TTC29: variants seen among roughly 807,000 people sequenced by gnomAD.
TTC29 encodes the protein tetratricopeptide repeat domain 29, also known as tetratricopeptide repeat protein 29.
TTC29 carries 49 observed loss-of-function variants against 58.1 expected under a neutral mutation model. That is an observed-to-expected ratio of 0.84 (90% CI 0.67 to 1.07). The LOEUF is 1.07. Ranked by LOEUF, TTC29 falls within the 50% of genes least tolerant of loss-of-function variation. The pLI is 0.00. For synonymous variants in TTC29, 209 were observed against 196.8 expected, an observed-to-expected ratio of 1.06 and a Z score of -0.52; for missense variants, 582 against 555.6, an observed-to-expected ratio of 1.05 and a Z score of -0.48.
At chr4:146,876,932 C>T (rs551766580) in intron 6 of TTC29, among the ~76,000 whole-genome samples, 6 of 110,118 alleles carry the variant, frequency 5.4e-5, no homozygotes, top group African/African-American at 1.9e-4. Context: ...AAGACTCCAT[C>T]TCAAAAAAAA....
At chr4:146,875,085 G>A (rs1731172709) in intron 6 of TTC29, among the ~76,000 whole-genome samples, 157 bp from the exon 7 acceptor site, 1 of 152,140 alleles carries the variant, frequency 6.6e-6, no homozygotes, top group Non-Finnish European at 1.5e-5. Context: ...GGAAAGGAGT[G>A]ATCTCTAATT....
intron 10 of TTC29, among the ~76,000 whole-genome samples, chr4:146,810,752 A>G (rs4835342): frequency 0.062 from 9,370 of 151,878 alleles, 389 homozygotes; most frequent in Admixed American, 0.13. Context: ...CACCACGCTC[A>G]GTTAATTTTT....
At chr4:146,856,491 G>T in intron 8 of TTC29, among the ~76,000 whole-genome samples, 1 of 151,686 alleles carries the variant, frequency 6.6e-6, no homozygotes. Flanking sequence ...TTATTTGTAG[G>T]AAAGTTTGTA....
At chr4:146,794,654 A>G (rs1431473864) in intron 11 of TTC29, among the ~76,000 whole-genome samples, 1 of 152,108 alleles carries the variant, frequency 6.6e-6, no homozygotes, top group African/African-American at 2.4e-5. Context: ...GGAAACTGGA[A>G]AACTGTTTCC....
intron 10 of TTC29, among the ~76,000 whole-genome samples, chr4:146,806,639 GA>G (rs1750638547): frequency 6.6e-6 from 1 of 150,884 alleles, no homozygotes; most frequent in Non-Finnish European, 1.5e-5. Context: ...AAAAGACAAA[GA>G]AGGGCACTAC....
chr4:146,834,137 A>G (rs576556069), intron 8 of TTC29, among the ~76,000 whole-genome samples: 31 of 152,326 alleles, frequency 2.0e-4, no homozygotes, highest in Non-Finnish European at 4.3e-4. Flanking sequence ...CTTTTCTTGC[A>G]TAATTGCCCA....
chr4:146,825,130 T>C (rs1727692932), intron 9 of TTC29, among the ~76,000 whole-genome samples: 1 of 152,224 alleles, frequency 6.6e-6, no homozygotes, highest in South Asian at 2.1e-4. Context: ...TAGTTATTTC[T>C]TGTCTTCTGC....
chr4:146,803,181 T>C (rs1045210646), intron 11 of TTC29, among the ~76,000 whole-genome samples: 6 of 152,124 alleles, frequency 3.9e-5, no homozygotes, highest in Non-Finnish European at 7.4e-5. Flanking sequence ...TCAGTACCTA[T>C]TGTTGACTAA....
At chr4:146,809,807 C>T (rs1454618823) in intron 10 of TTC29, among the ~76,000 whole-genome samples, 3 of 149,792 alleles carry the variant, frequency 2.0e-5, no homozygotes, top group African/African-American at 4.9e-5. Flanking sequence ...CGTTTTTATC[C>T]GTTGGTGGGC....
At chr4:146,866,341 A>C (rs1056669529) in intron 8 of TTC29, among the ~76,000 whole-genome samples, 1 of 152,124 alleles carries the variant, frequency 6.6e-6, no homozygotes, top group Admixed American at 6.6e-5. Flanking sequence ...GTGTGTACGC[A>C]TGTGTGCACA....
chr4:146,892,419 C>T (rs1274372000), intron 6 of TTC29, among the ~76,000 whole-genome samples: 4 of 152,136 alleles, frequency 2.6e-5, no homozygotes. Flanking sequence ...ATAAACAGAA[C>T]CAACGACAAA....
At position 146,890,406 on chromosome 4, in the gene TTC29, A is replaced by T. The variant is rs370239918; in HGVS notation, c.586+13138T>A. The stretch of plus-strand genomic sequence containing the variant: ...AGCTTCCAGCCCTCACATGAGAAGC[A>T]GGGCGAGGCATGGGGAGCATGTGGG... On this transcript the variant is annotated intron_variant, in intron 6 of 12. Coordinates refer to ENST00000325106, the MANE Select transcript of TTC29 (RefSeq NM_031956.4). Among the ~76,000 whole-genome samples, 9 of 152,312 alleles carry T rather than the reference A, an allele frequency of 5.9e-5. No individual in the cohort carries two copies. In the East Asian group the frequency reaches 1.2e-3, roughly 20 times the overall value.
At chr4:146,709,610 G>A (rs1742335970) in intron 11 of TTC29, among the ~76,000 whole-genome samples, 1 of 152,040 alleles carries the variant, frequency 6.6e-6, no homozygotes, top group Non-Finnish European at 1.5e-5. Flanking sequence ...ACTGGCCTGA[G>A]ATGCCTCGTC....
intron 11 of TTC29, among the ~76,000 whole-genome samples, chr4:146,724,521 C>T (rs1385384194): frequency 2.0e-5 from 3 of 151,344 alleles, no homozygotes; most frequent in Admixed American, 6.6e-5. Flanking sequence ...TTATGTTCAA[C>T]TTCTTTTTTT....
rs376785385 is a variant in TTC29 at position 146,803,466 on chromosome 4, G to A, written c.1321C>T (p.Pro441Ser). 1.3e-6 allele frequency: 2 copies of A among 1,579,076 alleles called. No homozygotes were observed. The highest frequency in any genetic ancestry group is 1.7e-6 in the Non-Finnish European group (2 of 1,160,010). Residue 441 changes from proline to serine, a missense_variant, in exon 11 of 13, where the codon CCA (proline) becomes TCA (serine). Physicochemically the swap from Pro to Ser is moderately conservative, Grantham distance 74. Coordinates refer to ENST00000325106, the MANE Select transcript of TTC29 (RefSeq NM_031956.4). ...KESRGNIEPDPVTEEFRGSTV... is the reference protein window; with the variant it reads ...KESRGNIEPDSVTEEFRGSTV... Reference sequence around the variant, plus strand: ...AAAACCAATGCCTTACCAGTAACTGGATCAGGTTCAATGTTACCTCTGCTC... The same window carrying A: ...AAAACCAATGCCTTACCAGTAACTGAATCAGGTTCAATGTTACCTCTGCTC...
At chr4:146,713,631 T>C (rs1742693318) in intron 11 of TTC29, among the ~76,000 whole-genome samples, 2 of 152,164 alleles carry the variant, frequency 1.3e-5, no homozygotes, top group African/African-American at 2.4e-5. Flanking sequence ...GACGTGTTCT[T>C]TCATATTACA....
chr4:146,868,594 A>G (rs76564368), intron 7 of TTC29, among the ~76,000 whole-genome samples: 2,407 of 152,186 alleles, frequency 0.016, 80 homozygotes, highest in East Asian at 0.13. Flanking sequence ...CAAAAGCAAA[A>G]TGCGTAAAGA....
intron 8 of TTC29, among the ~76,000 whole-genome samples, chr4:146,864,914 GA>G (rs1433267267): frequency 7.5e-6 from 1 of 133,700 alleles, no homozygotes; most frequent in Non-Finnish European, 1.6e-5. Flanking sequence ...TTAGGAAGTA[GA>G]TTTTTTTTTT....
intron 8 of TTC29, among the ~76,000 whole-genome samples, chr4:146,846,700 G>A (rs371480102): frequency 1.6e-4 from 25 of 152,214 alleles, no homozygotes; most frequent in African/African-American, 4.3e-4. Context: ...CTAATCCTAC[G>A]AAAATTTCTA....
Sources: gnomAD v4.1 joint callset for allele counts (sites outside exome capture counted in the v4.1 genomes callset) on GRCh38, gnomAD v4.1.1 for gene constraint, MANE v1.5 for transcripts, NCBI Gene and HGNC (gene_info 2026-07-23, HGNC 2026-07-21) for gene names.